TENM3: variants seen among roughly 807,000 people sequenced by gnomAD.
The protein encoded by TENM3 is teneurin-3.
Under a neutral mutation model 255.1 loss-of-function variants are expected in TENM3, and 63 were observed. The observed-to-expected ratio is 0.25, with a 90% CI of 0.20 to 0.30. The LOEUF is 0.30. Ranked by LOEUF, TENM3 falls within the 10% of genes least tolerant of loss-of-function variation. The pLI is 1.00. For missense variants in TENM3, 2,929 were observed against 3,461.1 expected (o/e 0.85, Z 3.86); for synonymous variants, 1,306 against 1,322.3 (o/e 0.99, Z 0.27).
the TENM3 span, among the ~76,000 whole-genome samples, chr4:181,791,140 T>C: frequency 6.6e-6 from 1 of 152,184 alleles, no homozygotes; most frequent in Non-Finnish European, 1.5e-5. Context: ...CTAGATAATT[T>C]GCTTGGTGGG....
the TENM3 span, among the ~76,000 whole-genome samples, chr4:181,899,629 G>T: frequency 4.0e-5 from 6 of 151,806 alleles, no homozygotes; most frequent in African/African-American, 9.7e-5. Flanking sequence ...GTGCAGTGGC[G>T]CGATCTCAGC....
intron 3 of TENM3, among the ~76,000 whole-genome samples, chr4:182,521,648 AG>A (rs1738585079): frequency 1.3e-5 from 2 of 152,246 alleles, no homozygotes; most frequent in African/African-American, 4.8e-5. Flanking sequence ...TTTAATGAAA[AG>A]TATAAAATAT....
chr4:182,158,617 T>C (rs1346231267), intron 1 of TENM3, among the ~76,000 whole-genome samples: 1 of 152,178 alleles, frequency 6.6e-6, no homozygotes, highest in African/African-American at 2.4e-5. Flanking sequence ...CTGTACAGAA[T>C]TACTCATGGC....
intron 14 of TENM3, 121 bp downstream of exon 14, chr4:182,729,302 C>T (rs545274907): frequency 3.5e-6 from 3 of 846,214 alleles, no homozygotes; most frequent in Admixed American, 2.8e-5. Flanking sequence ...ACAGTTTTTC[C>T]TCTTTCTGCA....
intron 1 of TENM3, among the ~76,000 whole-genome samples, chr4:182,199,372 A>G (rs898093383): frequency 1.3e-5 from 2 of 152,156 alleles, no homozygotes. Context: ...CAGTGAGCCA[A>G]GATCGCACCA....
At chr4:182,489,715 A>T (rs529941627) in intron 3 of TENM3, among the ~76,000 whole-genome samples, 18 of 152,214 alleles carry the variant, frequency 1.2e-4, no homozygotes, top group African/African-American at 4.3e-4. Flanking sequence ...CTCCTTAAGC[A>T]AAACATTGCC....
At chr4:182,312,243 C>T (rs187715541) in intron 1 of TENM3, among the ~76,000 whole-genome samples, 2 of 152,246 alleles carry the variant, frequency 1.3e-5, no homozygotes, top group East Asian at 3.9e-4. Context: ...CGCCTGTAGT[C>T]CCCAGTACTT....
the TENM3 span, among the ~76,000 whole-genome samples, chr4:181,872,903 G>C: frequency 1.3e-5 from 2 of 151,474 alleles, no homozygotes; most frequent in African/African-American, 4.9e-5. Context: ...ATCAACATTT[G>C]GATTTGTTGA....
At chr4:181,942,135 C>T in the TENM3 span, among the ~76,000 whole-genome samples, 4 of 152,156 alleles carry the variant, frequency 2.6e-5, no homozygotes, top group African/African-American at 9.7e-5. Flanking sequence ...ACAGTCACTT[C>T]CTAATCTCTG....
chr4:182,267,673 C>T (rs1007035037), intron 1 of TENM3, among the ~76,000 whole-genome samples: 1 of 149,910 alleles, frequency 6.7e-6, no homozygotes, highest in East Asian at 1.9e-4. Flanking sequence ...AAAGTCTTAT[C>T]TGAAATTCCT....
At chr4:181,473,409 G>T in the TENM3 span, among the ~76,000 whole-genome samples, 1 of 151,920 alleles carries the variant, frequency 6.6e-6, no homozygotes, top group South Asian at 2.1e-4. Context: ...ACAGCATAGG[G>T]AGAACCCATC....
intron 3 of TENM3, among the ~76,000 whole-genome samples, chr4:182,480,844 A>C (rs1432230412): frequency 2.6e-5 from 4 of 152,234 alleles, no homozygotes; most frequent in African/African-American, 9.6e-5. Flanking sequence ...TTATTATGTC[A>C]AATCTGAACT....
chr4:182,459,109 A>G (rs927197070), intron 3 of TENM3, among the ~76,000 whole-genome samples: 9 of 152,248 alleles, frequency 5.9e-5, no homozygotes, highest in Non-Finnish European at 1.3e-4. Flanking sequence ...CAATTTAACT[A>G]GTTTGATTGC....
Position 182,714,217 on chromosome 4 carries a change from C to A in TENM3, c.2352C>A (p.Ser784Arg). The A allele has an allele frequency of 6.2e-7, 1 of 1,603,282 alleles. No homozygotes were observed. Among genetic ancestry groups the A allele is most frequent in the South Asian group, 1.1e-5 (1 of 90,816 alleles). ...CCATGGAGACTCTTTGCACAGATAG[C>A]AAGGACAATGAAGGAGGTAAGAAAT... ...DVAMETLCTD[S>R]KDNEGDGLID... Residue 784 changes from serine (S) to arginine (R), a missense_variant, in exon 13 of 28, where the codon AGC becomes AGA. Physicochemically the swap from Ser to Arg is moderately radical, Grantham distance 110. Coordinates refer to ENST00000511685, the MANE Select transcript of TENM3 (RefSeq NM_001080477.4).
In TENM3 at chr4:182,257,854, A is replaced by C. The variant is rs539361497; in HGVS notation, c.-76+14378A>C. 7.2e-5 allele frequency among the ~76,000 whole-genome samples: 11 copies of C among 152,314 alleles called. No homozygotes were observed. The East Asian group carries it at 2.1e-3, about 29-fold the overall frequency. On this transcript the variant is annotated intron_variant, in intron 1 of 27. Coordinates refer to ENST00000511685, the MANE Select transcript of TENM3 (RefSeq NM_001080477.4). ...AAACCTCTTCATCTGGTCCCCATAC[A>C]ATGCTACATCTAGTGGAAAAAGAAC... is the stretch of plus-strand genomic sequence containing the variant.
chr4:182,553,500 G>A (rs1742276903), intron 3 of TENM3, among the ~76,000 whole-genome samples: 1 of 151,060 alleles, frequency 6.6e-6, no homozygotes, highest in Non-Finnish European at 1.5e-5. Flanking sequence ...TGCACGTTGT[G>A]CACATGTACC....
intron 3 of TENM3, among the ~76,000 whole-genome samples, chr4:182,490,205 T>A (rs1392974367): frequency 6.6e-6 from 1 of 152,208 alleles, no homozygotes; most frequent in South Asian, 2.1e-4. Flanking sequence ...ATGATGTTGT[T>A]ACGTGAGATA....
At chr4:182,707,930 A>G (rs1466658531) in intron 12 of TENM3, 1 of 152,210 alleles carries the variant, frequency 6.6e-6, no homozygotes, top group African/African-American at 2.4e-5. Flanking sequence ...GCTTTGGAGA[A>G]CGAAGTGTCT....
At chr4:181,735,257 T>C in the TENM3 span, among the ~76,000 whole-genome samples, 1 of 152,140 alleles carries the variant, frequency 6.6e-6, no homozygotes, top group African/African-American at 2.4e-5. Flanking sequence ...TGTTCCCCCA[T>C]TGTTTTTAAA....
Sources: allele counts gnomAD v4.1 joint callset (sites outside exome capture counted in the v4.1 genomes callset), GRCh38; gene constraint gnomAD v4.1.1; transcripts MANE v1.5; gene names NCBI Gene and HGNC (gene_info 2026-07-23, HGNC 2026-07-21).